Variants in LRRC4C observed in about 807,000 individuals in gnomAD.
LRRC4C encodes leucine rich repeat containing 4C, also known as leucine-rich repeat-containing protein 4C.
A neutral mutation model predicts 33.6 loss-of-function variants in LRRC4C; 5 were observed. That is an observed-to-expected ratio of 0.15 (90% confidence interval 0.08 to 0.31). The LOEUF is 0.31. Ranked by LOEUF, LRRC4C falls within the 10% of genes least tolerant of loss-of-function variation. The pLI is 1.00. For missense variants in LRRC4C, 560 were observed against 796.7 expected (o/e 0.70, Z 3.58); for synonymous variants, 329 against 302.0 (o/e 1.09, Z -0.93).
At chr11:41,099,028 A>C (rs1011165971) in intron 1 of LRRC4C, among the ~76,000 whole-genome samples, 1 of 152,144 alleles carries the variant, frequency 6.6e-6, no homozygotes, top group Admixed American at 6.6e-5. Context: ...ACAGAAATAG[A>C]AACAACAATC....
At chr11:41,061,670 G>A (rs1421300862) in intron 1 of LRRC4C, among the ~76,000 whole-genome samples, 1 of 152,192 alleles carries the variant, frequency 6.6e-6, no homozygotes, top group Non-Finnish European at 1.5e-5. Flanking sequence ...ACTTGTGAGA[G>A]CTATAAAGCT....
chr11:41,093,471 TTTG>T (rs1940577050), intron 1 of LRRC4C, among the ~76,000 whole-genome samples: 1 of 152,228 alleles, frequency 6.6e-6, no homozygotes, highest in African/African-American at 2.4e-5. Context: ...GCCTAATTTT[TTTG>T]TTATTCTTCA....
intron 3 of LRRC4C, among the ~76,000 whole-genome samples, chr11:40,336,179 C>T (rs559326567): frequency 2.6e-5 from 4 of 152,176 alleles, no homozygotes; most frequent in East Asian, 1.9e-4. Context: ...TACCTTCTAA[C>T]GTAACTGTGA....
intron 1 of LRRC4C, among the ~76,000 whole-genome samples, chr11:41,345,124 T>G (rs565445452): frequency 1.3e-5 from 2 of 152,214 alleles, no homozygotes; most frequent in Admixed American, 1.3e-4. Context: ...AAATAAGCTA[T>G]GTTTTCATGA....
intron 1 of LRRC4C, among the ~76,000 whole-genome samples, chr11:41,201,282 A>G (rs1946388866): frequency 6.6e-6 from 1 of 152,234 alleles, no homozygotes. Flanking sequence ...AGTAGCTGAA[A>G]TTAACCTAGA....
intron 1 of LRRC4C, among the ~76,000 whole-genome samples, chr11:40,983,002 C>T (rs1052454190): frequency 6.6e-6 from 1 of 152,152 alleles, no homozygotes; most frequent in African/African-American, 2.4e-5. Flanking sequence ...AGGGCATAAT[C>T]TTGTTCTTTT....
intron 2 of LRRC4C, among the ~76,000 whole-genome samples, chr11:40,747,513 T>G (rs555958860): frequency 6.6e-6 from 1 of 151,868 alleles, no homozygotes; most frequent in Non-Finnish European, 1.5e-5. Context: ...AAAGAAAATA[T>G]GATGTCACCA....
chr11:41,128,724 A>T (rs947649247), intron 1 of LRRC4C, among the ~76,000 whole-genome samples: 2 of 152,206 alleles, frequency 1.3e-5, no homozygotes, highest in South Asian at 2.1e-4. Flanking sequence ...AAGTCAACAA[A>T]TTAACCATTG....
At chr11:40,437,340 T>C (rs1951183323) in intron 3 of LRRC4C, among the ~76,000 whole-genome samples, 1 of 152,200 alleles carries the variant, frequency 6.6e-6, no homozygotes, top group Non-Finnish European at 1.5e-5. Context: ...CCTTGTAATA[T>C]GTAAGTCAGA....
intron 2 of LRRC4C, among the ~76,000 whole-genome samples, chr11:40,709,476 C>A (rs996650498): frequency 6.6e-6 from 1 of 152,052 alleles, no homozygotes; most frequent in Non-Finnish European, 1.5e-5. Flanking sequence ...CTTAGTTTGG[C>A]TGGATATGAA....
At chr11:40,482,663 T>A (rs557422012) in intron 3 of LRRC4C, among the ~76,000 whole-genome samples, 165 of 152,030 alleles carry the variant, frequency 1.1e-3, no homozygotes, top group Non-Finnish European at 1.8e-3. Flanking sequence ...AGAGATGGGG[T>A]TTTGCTGTGT....
At chr11:40,388,564 C>A (rs1949207224) in intron 3 of LRRC4C, among the ~76,000 whole-genome samples, 1 of 152,144 alleles carries the variant, frequency 6.6e-6, no homozygotes. Flanking sequence ...GATCCTGATG[C>A]CATTGCTGGC....
intron 1 of LRRC4C, among the ~76,000 whole-genome samples, chr11:41,294,575 T>G (rs1044203164): frequency 1.3e-5 from 2 of 152,230 alleles, no homozygotes; most frequent in East Asian, 1.9e-4. Flanking sequence ...GAATGTATAA[T>G]GCACAAGAAT....
intron 1 of LRRC4C, among the ~76,000 whole-genome samples, chr11:41,410,010 A>G (rs10837641): frequency 0.26 from 38,841 of 152,204 alleles, 6,012 homozygotes; most frequent in Admixed American, 0.37. Context: ...CAGAAGATGC[A>G]TGTATATTTT....
At chr11:40,888,282 T>C (rs1401400016) in intron 2 of LRRC4C, among the ~76,000 whole-genome samples, 1 of 151,864 alleles carries the variant, frequency 6.6e-6, no homozygotes, top group Non-Finnish European at 1.5e-5. Flanking sequence ...TATAATAAAA[T>C]GTATATTTTA....
chr11:40,260,319 C>T (rs1453792624), intron 4 of LRRC4C, among the ~76,000 whole-genome samples: 2 of 145,850 alleles, frequency 1.4e-5, no homozygotes, highest in African/African-American at 5.1e-5. Context: ...AAACCAAACA[C>T]CACATATTCT....
intron 1 of LRRC4C, among the ~76,000 whole-genome samples, chr11:41,108,608 T>C (rs1008333401): frequency 6.6e-6 from 1 of 152,118 alleles, no homozygotes; most frequent in African/African-American, 2.4e-5. Context: ...CATTAATTTG[T>C]ATATTGTATG....
chr11:41,126,534 T>G (rs1942750236), intron 1 of LRRC4C, among the ~76,000 whole-genome samples: 2 of 151,924 alleles, frequency 1.3e-5, no homozygotes, highest in African/African-American at 4.8e-5. Flanking sequence ...AAGGACTCAA[T>G]GGACGCAGAA....
chr11:40,337,797 C>T (rs1391426877), intron 3 of LRRC4C, among the ~76,000 whole-genome samples: 1 of 152,068 alleles, frequency 6.6e-6, no homozygotes, highest in East Asian at 1.9e-4. Context: ...TAGCCTAGTG[C>T]CCATTGATTA....
Sources: gnomAD v4.1 joint callset for allele counts (sites outside exome capture counted in the v4.1 genomes callset) on GRCh38, gnomAD v4.1.1 for gene constraint, MANE v1.5 for transcripts, NCBI Gene and HGNC (gene_info 2026-07-23, HGNC 2026-07-21) for gene names.